EHF: variants seen among roughly 807,000 people sequenced by gnomAD.
The protein encoded by EHF is ESE3 transcription factor.
A neutral mutation model predicts 45.1 loss-of-function variants in EHF; 14 were observed. That is an observed-to-expected ratio of 0.31 (90% CI 0.21 to 0.49). The LOEUF (loss-of-function observed/expected upper bound fraction) is 0.49. Ranked by LOEUF, EHF falls within the 20% of genes least tolerant of loss-of-function variation. The pLI, the probability that EHF is intolerant of heterozygous loss-of-function variation, is 0.99. For synonymous variants in EHF, 136 were observed against 131.8 expected, an observed-to-expected ratio of 1.03 and a Z score of -0.22; for missense variants, 282 against 371.4, an observed-to-expected ratio of 0.76 and a Z score of 1.98.
intron 1 of EHF, among the ~76,000 whole-genome samples, chr11:34,637,407 C>T (rs564857556): frequency 1.8e-4 from 27 of 152,252 alleles, no homozygotes; most frequent in South Asian, 2.1e-4. Flanking sequence ...CAGGGCACTG[C>T]GGGAGTTTGT....
chr11:34,631,015 GAT>G (rs1293739992), intron 1 of EHF, among the ~76,000 whole-genome samples: 1 of 152,074 alleles, frequency 6.6e-6, no homozygotes, highest in Non-Finnish European at 1.5e-5. Context: ...CTTAAAAAGA[GAT>G]ATTATATTAT....
Position 34,662,969 on chromosome 11 carries a change from A to T in EHF, c.*4038A>T, listed in dbSNP as rs975322090. ...AGAGATAGAGCATTTATTAAAAAAA[A>T]CTCCTGTTGAGACTGTGTCTTATGA... On this transcript the variant is annotated 3_prime_UTR_variant, in exon 9 of 9. Transcript: ENST00000257831. Among the ~76,000 whole-genome samples the T allele has an allele frequency of 1.3e-5, 2 of 151,956 alleles. No individual in the cohort carries two copies. Among genetic ancestry groups the T allele is most frequent in the Non-Finnish European group, 2.9e-5 (2 of 67,962 alleles).
chr11:34,656,193 G>A (rs1050903966), intron 6 of EHF, among the ~76,000 whole-genome samples: 3 of 151,944 alleles, frequency 2.0e-5, no homozygotes, highest in Non-Finnish European at 2.9e-5. Context: ...GGTAATAGTC[G>A]CAGAGGTTGC....
chr11:34,640,997 A>T (rs534544839), intron 1 of EHF, among the ~76,000 whole-genome samples: 12 of 152,202 alleles, frequency 7.9e-5, no homozygotes, highest in Non-Finnish European at 1.3e-4. Flanking sequence ...CAGAGAGGTT[A>T]GGTAACTTGT....
rs1316901367 is a variant in EHF, at chr11:34,661,298, G to A, written c.*2367G>A. On this transcript the variant is annotated 3_prime_UTR_variant, in exon 9 of 9. Coordinates refer to ENST00000257831, the MANE Select transcript of EHF (RefSeq NM_012153.6). ...GGGCATCTGCCAATTCTCTCACTGT[G>A]GTTCCTTCTCTGACTTTGCCTGTTC... Among the ~76,000 whole-genome samples the A allele has an allele frequency of 6.6e-6, 1 of 152,084 alleles. No individual in the cohort carries two copies. The highest frequency in any genetic ancestry group is 1.5e-5 in the Non-Finnish European group (1 of 68,000).
At chr11:34,642,985 G>C (rs1854160503) in intron 2 of EHF, among the ~76,000 whole-genome samples, 1 of 152,114 alleles carries the variant, frequency 6.6e-6, no homozygotes, top group Non-Finnish European at 1.5e-5. Context: ...GGGGGTAGAA[G>C]AGATGCCTAA....
At position 34,633,110 on chromosome 11, in the gene EHF, G is replaced by T. The variant is rs146790747; in HGVS notation, c.-3-9518G>T. On this transcript the variant is annotated intron_variant, in intron 1 of 8. Coordinates refer to ENST00000257831, the MANE Select transcript of EHF (RefSeq NM_012153.6). ...GCTCCTGATGCAAGTAACCATCAGA[G>T]AGATCCTCTGCAAGCGCTATATTCT... 2.8e-3 allele frequency among the ~76,000 whole-genome samples: 433 copies of T among 152,304 alleles called. 2 individuals are homozygous for T. The highest frequency in any genetic ancestry group is 9.9e-3 in the African/African-American group (410 of 41,570).
rs770260609 is a variant in EHF at position 34,658,510 on chromosome 11, C to T, written c.608-23C>T. 10 of 1,601,702 alleles carry T rather than the reference C, an allele frequency of 6.2e-6. No homozygotes were observed. The East Asian group carries it at 1.8e-4, about 29-fold the overall frequency. ...TTGCTGTGACTTAGATCATTAGTAA[C>T]CTGCCTTTCTGCTTTTCATCAGACC... On this transcript the variant is annotated intron_variant, in intron 7 of 8. Transcript: ENST00000257831.
chr11:34,645,908 A>G (rs1270972567), intron 2 of EHF, among the ~76,000 whole-genome samples: 1 of 152,114 alleles, frequency 6.6e-6, no homozygotes, highest in Non-Finnish European at 1.5e-5. Flanking sequence ...GGGCAGTGGG[A>G]TATCAGTCCA....
intron 1 of EHF, among the ~76,000 whole-genome samples, chr11:34,633,955 T>G (rs1032843291): frequency 1.3e-5 from 2 of 152,184 alleles, no homozygotes; most frequent in East Asian, 1.9e-4. Context: ...GGCCTCCCAG[T>G]GCTGCATTAT....
intron 6 of EHF, among the ~76,000 whole-genome samples, chr11:34,654,831 T>C (rs1855514810): frequency 6.6e-6 from 1 of 152,200 alleles, no homozygotes; most frequent in Admixed American, 6.5e-5. Flanking sequence ...AAACAATAAT[T>C]GAGGCCAATA....
At chr11:34,646,320 C>T (rs975985942) in intron 2 of EHF, 119 bp from the exon 3 acceptor site, 55 of 1,486,458 alleles carry the variant, frequency 3.7e-5, no homozygotes, top group African/African-American at 6.9e-5. Context: ...CATGCTGGCA[C>T]ATACACGGAC....
chr11:34,624,699 A>G (rs1852220131), intron 1 of EHF, among the ~76,000 whole-genome samples: 1 of 152,238 alleles, frequency 6.6e-6, no homozygotes. Context: ...GTGCTGAAGT[A>G]GAAATTTCCA....
rs1418774796 is a variant in EHF at position 34,632,649 on chromosome 11, C to G, written c.-3-9979C>G. On this transcript the variant is annotated intron_variant, in intron 1 of 8. Transcript: ENST00000257831. ...TTTTAAGCCTAGCTGAAATTCTTTT[C>G]AAGGTTGGTCATTCTCAAATGCCAG... 6 of 1,535,580 alleles carry G rather than the reference C, an allele frequency of 3.9e-6. No individual in the cohort carries two copies. The Admixed American group carries it at 1.2e-4, about 30-fold the overall frequency.
rs1242392049 is a variant in EHF at position 34,659,947 on chromosome 11, C to G, written c.*1016C>G. 6.6e-6 allele frequency: 1 copy of G among 152,120 alleles called. No individual in the cohort carries two copies. The highest frequency in any genetic ancestry group is 2.4e-5 in the African/African-American group (1 of 41,440). 9.4% of individuals were successfully genotyped at this position (152,120 alleles called of 1,614,324 possible). On this transcript the variant is annotated 3_prime_UTR_variant, in exon 9 of 9. Coordinates refer to ENST00000257831, the MANE Select transcript of EHF (RefSeq NM_012153.6). ...CCAGCTGTGATAACGCAAAATGTCT[C>G]TAGACATCACCAAATGTTCCCTGGG...
intron 1 of EHF, among the ~76,000 whole-genome samples, chr11:34,622,703 C>T (rs1363260793): frequency 6.6e-6 from 1 of 152,150 alleles, no homozygotes; most frequent in Non-Finnish European, 1.5e-5. Flanking sequence ...ATTCCATCTT[C>T]TTATAATATG....
At chr11:34,636,021 G>A (rs751486224) in intron 1 of EHF, among the ~76,000 whole-genome samples, 13 of 152,212 alleles carry the variant, frequency 8.5e-5, no homozygotes, top group Admixed American at 1.3e-4. Context: ...AGGCTCCACT[G>A]TGCCAGTCAG....
chr11:34,638,317 A>T (rs1381529234), intron 1 of EHF, among the ~76,000 whole-genome samples: 1 of 152,256 alleles, frequency 6.6e-6, no homozygotes, highest in Admixed American at 6.5e-5. Flanking sequence ...ACCTGGGAAC[A>T]GACAAAGGTG....
intron 1 of EHF, among the ~76,000 whole-genome samples, chr11:34,634,058 C>G (rs1399197193): frequency 6.6e-6 from 1 of 152,178 alleles, no homozygotes; most frequent in African/African-American, 2.4e-5. Context: ...CATTATAAGG[C>G]TATGAAATTA....
Sources: gnomAD v4.1 joint callset for allele counts (sites outside exome capture counted in the v4.1 genomes callset) on GRCh38, gnomAD v4.1.1 for gene constraint, MANE v1.5 for transcripts, NCBI Gene and HGNC (gene_info 2026-07-23, HGNC 2026-07-21) for gene names.